The following F8 variants were observed in gnomAD, a reference collection of about 807,000 sequenced individuals.
F8 encodes the protein antihemophilic factor.
In F8, 12 loss-of-function variants were observed where a neutral mutation model predicts 140.6. The observed-to-expected ratio is 0.09, with a 90% confidence interval of 0.05 to 0.14. The LOEUF (loss-of-function observed/expected upper bound fraction) is 0.14, where lower values mean the gene tolerates loss of function less well. Among genes scored for constraint, F8 ranks in the 10% least tolerant of loss-of-function variants. The pLI is 1.00. For missense variants in F8, 1,354 were observed against 1,720.7 expected (o/e 0.79, Z 3.77); for synonymous variants, 585 against 614.6 (o/e 0.95, Z 0.71).
intron 7 of F8, among the ~76,000 whole-genome samples, chrX:154,968,504 AG>A (rs2073437177): frequency 8.9e-6 from 1 of 112,135 alleles, no homozygotes; most frequent in Non-Finnish European, 1.9e-5. Context: ...GAGGGTTATT[AG>A]GTTGATCCAA....
intron 6 of F8, among the ~76,000 whole-genome samples, chrX:154,983,888 TCAGA>T (rs1437520322): frequency 1.8e-5 from 2 of 112,256 alleles, no homozygotes; most frequent in Non-Finnish European, 3.8e-5. Flanking sequence ...ATTTCTGCCT[TCAGA>T]CAGTCATGAT....
chrX:154,935,775 C>A (rs1235097016), intron 13 of F8, among the ~76,000 whole-genome samples: 3 of 110,953 alleles, frequency 2.7e-5, no homozygotes, highest in African/African-American at 9.9e-5. Flanking sequence ...CAAAACTGAA[C>A]AACTAGAAGG....
chrX:154,900,165 T>C (rs1250132401), intron 20 of F8, among the ~76,000 whole-genome samples: 1 of 112,445 alleles, frequency 8.9e-6, no homozygotes, highest in Non-Finnish European at 1.9e-5. Flanking sequence ...ATTTTGTTAA[T>C]TGTTAGCACC....
At chrX:154,848,487 C>T (rs1440701094) in intron 25 of F8, among the ~76,000 whole-genome samples, 7 of 112,707 alleles carry the variant, frequency 6.2e-5, no homozygotes, top group South Asian at 3.6e-4. Flanking sequence ...TCAGCAATGG[C>T]GGGTGCCCCT....
At chrX:154,861,010 CCTTT>C (rs1379063862) in intron 24 of F8, among the ~76,000 whole-genome samples, 5 of 110,576 alleles carry the variant, frequency 4.5e-5, no homozygotes, top group South Asian at 3.9e-4. Context: ...TTCCTTCCTT[CCTTT>C]CTTTCTTTTT....
intron 14 of F8, chrX:154,909,808 G>A (rs1369284658): frequency 8.9e-6 from 1 of 112,647 alleles, no homozygotes; most frequent in Non-Finnish European, 1.9e-5. Context: ...TCAAATGATG[G>A]TAATTGGAAT....
chrX:154,973,119 C>T (rs1201045418), intron 6 of F8, among the ~76,000 whole-genome samples: 1 of 112,165 alleles, frequency 8.9e-6, no homozygotes, highest in African/African-American at 3.2e-5. Flanking sequence ...GTTCTTTACC[C>T]ATCATGTATT....
At chrX:155,015,883 T>C (rs982624635) in intron 1 of F8, among the ~76,000 whole-genome samples, 6 of 112,321 alleles carry the variant, frequency 5.3e-5, no homozygotes, top group African/African-American at 1.9e-4. Context: ...CAAGAAGATA[T>C]AGGAATGGCT....
chrX:154,972,568 T>C (rs2073461843), intron 6 of F8, among the ~76,000 whole-genome samples: 1 of 111,128 alleles, frequency 9.0e-6, no homozygotes, highest in Non-Finnish European at 1.9e-5. Flanking sequence ...ACTCATGATT[T>C]TGAGGTCTTG....
In F8 at chrX:154,930,041, C is replaced by T. The variant is rs1160971553; in HGVS notation, c.3749G>A (p.Ser1250Asn). ...KNFMKNLFLL[S>N]TRQNVEGSYD... ...TGAACCTTCTACATTTTGCCTAGTG[C>T]TCAGTAAGAAAAGGTTCTTCATGAA... Residue 1250 changes from serine (S) to asparagine (N), a missense_variant, in exon 14 of 26, where the codon AGC becomes AAC. Coordinates refer to ENST00000360256, the MANE Select transcript of F8 (RefSeq NM_000132.4). 9.1e-6 allele frequency: 11 copies of T among 1,209,535 alleles called. No homozygotes were observed. Among genetic ancestry groups the T allele is most frequent in the Non-Finnish European group, 1.2e-5 (11 of 895,089 alleles).
At chrX:154,869,333 A>C (rs1236522004) in intron 22 of F8, among the ~76,000 whole-genome samples, 2 of 112,188 alleles carry the variant, frequency 1.8e-5, no homozygotes, top group Non-Finnish European at 3.8e-5. Flanking sequence ...AATGGAAATC[A>C]TAACAAACAG....
chrX:154,965,532 G>A (rs1186564497), intron 9 of F8, among the ~76,000 whole-genome samples: 1 of 111,290 alleles, frequency 9.0e-6, no homozygotes, highest in African/African-American at 3.3e-5. Flanking sequence ...TCTAGCCTCT[G>A]TCACATATTC....
rs1434723996 is a variant in F8, at chrX:154,885,976, G to A, written c.6429+10101C>T. 1.5e-3 allele frequency among the ~76,000 whole-genome samples: 15 copies of A among 10,231 alleles called. No homozygotes were observed. In the East Asian group the frequency reaches 0.022, roughly 15 times the overall value. 8.9% of individuals were successfully genotyped at this position (10,231 alleles called of 115,157 possible). On this transcript the variant is annotated intron_variant, in intron 22 of 25. Coordinates refer to ENST00000360256, the MANE Select transcript of F8 (RefSeq NM_000132.4). ...TGAGTAGTCGGGGCGGGGGGGGGGGGGGACAACAGTCTAGAAATGCGCAGA... is the reference window on the plus strand; with the variant it reads ...TGAGTAGTCGGGGCGGGGGGGGGGGAGGACAACAGTCTAGAAATGCGCAGA...
intron 9 of F8, among the ~76,000 whole-genome samples, chrX:154,963,608 T>G (rs782262461): frequency 1.5e-4 from 17 of 111,755 alleles, no homozygotes; most frequent in African/African-American, 5.5e-4. Context: ...CTTTTGTTGC[T>G]TGTTGGTTTT....
At position 154,939,350 on chromosome X, in the gene F8, G is replaced by A. The variant is rs782340233; in HGVS notation, c.2114-7674C>T. On this transcript the variant is annotated intron_variant, in intron 13 of 25. Coordinates refer to ENST00000360256, the MANE Select transcript of F8 (RefSeq NM_000132.4). Reference sequence around the variant, plus strand: ...CGCTCTTCCAACGGGCTTAACAAACGGCACACCAGGAGATTATATCCTGCA... The same window carrying A: ...CGCTCTTCCAACGGGCTTAACAAACAGCACACCAGGAGATTATATCCTGCA... 8.0e-5 allele frequency among the ~76,000 whole-genome samples: 9 copies of A among 112,526 alleles called. No homozygotes were observed. In the East Asian group the frequency reaches 2.5e-3, roughly 32 times the overall value.
At chrX:154,967,496 C>T (rs946550441) in intron 7 of F8, among the ~76,000 whole-genome samples, 4 of 111,727 alleles carry the variant, frequency 3.6e-5, no homozygotes, top group Non-Finnish European at 7.5e-5. Flanking sequence ...TTATGAGGAA[C>T]AGGGAAGGTT....
chrX:154,974,136 T>C (rs782391068), intron 6 of F8, among the ~76,000 whole-genome samples: 1 of 112,226 alleles, frequency 8.9e-6, no homozygotes, highest in South Asian at 3.7e-4. Flanking sequence ...ACAATTTGAC[T>C]TCCTTCTTTC....
intron 1 of F8, among the ~76,000 whole-genome samples, chrX:155,000,886 T>C (rs782678928): frequency 1.8e-5 from 2 of 110,898 alleles, no homozygotes; most frequent in South Asian, 7.7e-4. Flanking sequence ...ACCCCAAATA[T>C]CATCCAGTGA....
intron 6 of F8, among the ~76,000 whole-genome samples, chrX:154,973,065 C>T (rs2073467324): frequency 9.0e-6 from 1 of 111,622 alleles, no homozygotes; most frequent in African/African-American, 3.3e-5. Flanking sequence ...CATTCTTTTG[C>T]ATATGGATAT....
Sources: allele counts gnomAD v4.1 joint callset (sites outside exome capture counted in the v4.1 genomes callset), GRCh38; gene constraint gnomAD v4.1.1; transcripts MANE v1.5; gene names NCBI Gene and HGNC (gene_info 2026-07-23, HGNC 2026-07-21).